Variants in NXF2 observed in about 807,000 individuals in gnomAD.
NXF2 encodes nuclear RNA export factor 2, also known as TAP-like protein 2.
chrX:102,299,056 T>C (rs1934014742), intron 2 of NXF2, among the ~76,000 whole-genome samples: 1 of 55,992 alleles, frequency 1.8e-5, no homozygotes, highest in Non-Finnish European at 3.3e-5. Flanking sequence ...CTTATCACAT[T>C]TTGTGTTAAG....
chrX:102,298,683 G>T (rs781937399), intron 2 of NXF2, among the ~76,000 whole-genome samples: 29 of 113,121 alleles, frequency 2.6e-4, no homozygotes, highest in African/African-American at 9.3e-4. Context: ...GAGGAGGAGC[G>T]TTTGGCACTC....
intron 2 of NXF2, among the ~76,000 whole-genome samples, chrX:102,288,996 C>CTTT (rs1166018041): frequency 2.6e-5 from 1 of 38,823 alleles, no homozygotes; most frequent in African/African-American, 1.3e-4. Context: ...TCTTTCTTTT[C>CTTT]TTTTTTTTTT....
At chrX:102,289,046 T>A (rs2147809219) in intron 2 of NXF2, among the ~76,000 whole-genome samples, 1 of 43,099 alleles carries the variant, frequency 2.3e-5, no homozygotes, top group African/African-American at 1.2e-4. Context: ...CTTTGCCCAC[T>A]TTTGGATGGG....
chrX:102,281,560 G>T (rs1249677530), intron 2 of NXF2, among the ~76,000 whole-genome samples: 2 of 112,041 alleles, frequency 1.8e-5, no homozygotes, highest in African/African-American at 3.2e-5. Flanking sequence ...TGGCTGGGCT[G>T]GTATCCCAGA....
intron 2 of NXF2, among the ~76,000 whole-genome samples, chrX:102,251,792 G>A (rs1212803194): frequency 3.9e-5 from 3 of 77,303 alleles, no homozygotes; most frequent in African/African-American, 1.5e-4. Context: ...TCTGCGATAT[G>A]TGCTGCAAGT....
chrX:102,281,498 C>CT, intron 2 of NXF2, among the ~76,000 whole-genome samples: 1 of 114,577 alleles, frequency 8.7e-6, no homozygotes. Flanking sequence ...CCTCTAGTAG[C>CT]TAGGTCCTGG....
intron 2 of NXF2, among the ~76,000 whole-genome samples, chrX:102,294,095 A>T (rs1273570694): frequency 3.5e-5 from 3 of 85,092 alleles, no homozygotes; most frequent in Non-Finnish European, 6.4e-5. Context: ...ATGTTAAATG[A>T]CGAGTTAATG....
intron 2 of NXF2, among the ~76,000 whole-genome samples, chrX:102,282,300 C>G (rs1361609536): frequency 3.5e-5 from 4 of 114,213 alleles, no homozygotes. Flanking sequence ...GAGTTTGGTC[C>G]GGTTTTCCTT....
chrX:102,294,304 AATT>A, intron 2 of NXF2, among the ~76,000 whole-genome samples: 1 of 98,719 alleles, frequency 1.0e-5, no homozygotes, highest in Non-Finnish European at 2.0e-5. Flanking sequence ...AGTGAAAAAC[AATT>A]ATTATGTACA....
intron 2 of NXF2, among the ~76,000 whole-genome samples, chrX:102,251,191 C>T (rs1335297066): frequency 9.3e-5 from 1 of 10,709 alleles, no homozygotes; most frequent in Non-Finnish European, 1.4e-4. Context: ...TCTGGATCTC[C>T]TGGCCTCCAG....
At chrX:102,282,537 T>G (rs1933929875) in intron 2 of NXF2, among the ~76,000 whole-genome samples, 1 of 89,498 alleles carries the variant, frequency 1.1e-5, no homozygotes, top group Non-Finnish European at 2.2e-5. Flanking sequence ...TCTTATTATT[T>G]TGAGGTATGC....
intron 2 of NXF2, among the ~76,000 whole-genome samples, chrX:102,298,787 A>G (rs1471058239): frequency 3.5e-5 from 4 of 114,669 alleles, no homozygotes; most frequent in Admixed American, 9.1e-5. Context: ...GAGGATCATG[A>G]TGGAAAATTT....
At chrX:102,298,711 T>G (rs2147811777) in intron 2 of NXF2, among the ~76,000 whole-genome samples, 1 of 114,476 alleles carries the variant, frequency 8.7e-6, no homozygotes, top group East Asian at 2.7e-4. Flanking sequence ...CCCACAGTGC[T>G]AAACCACTTA....
rs1458567064 is a variant in NXF2, at chrX:102,248,458, T to C, written c.-154T>C. The C allele has an allele frequency of 3.3e-4, 27 of 80,766 alleles. No individual in the cohort carries two copies. The highest frequency in any genetic ancestry group is 1.3e-3 in the African/African-American group (27 of 20,578). 6.7% of individuals were successfully genotyped at this position (80,766 alleles called of 1,213,427 possible). ...CTAGGATCTTATCCAGGACGCTTCATTGCATTTGGTCTTCATTTCTCCTTA... is the reference window on the plus strand; with the variant it reads ...CTAGGATCTTATCCAGGACGCTTCACTGCATTTGGTCTTCATTTCTCCTTA... On this transcript the variant is annotated 5_prime_UTR_variant, in exon 2 of 23. Transcript: ENST00000625106.
intron 2 of NXF2, among the ~76,000 whole-genome samples, chrX:102,282,407 G>A (rs1299360880): frequency 8.7e-6 from 1 of 114,659 alleles, no homozygotes; most frequent in Non-Finnish European, 1.9e-5. Flanking sequence ...ATGCTGCTGT[G>A]GCCAGGGGTG....
At chrX:102,298,855 G>GT (rs1348081039) in intron 2 of NXF2, among the ~76,000 whole-genome samples, 12 of 108,781 alleles carry the variant, frequency 1.1e-4, no homozygotes, top group East Asian at 8.9e-4. Flanking sequence ...TGAAGTAAAA[G>GT]AGAGGTTCTA....
intron 2 of NXF2, among the ~76,000 whole-genome samples, chrX:102,282,113 C>T (rs1247936330): frequency 1.5e-4 from 13 of 85,714 alleles, no homozygotes; most frequent in Middle Eastern, 5.3e-3. Flanking sequence ...CCACCACGCC[C>T]GGCCAGAGTT....
At chrX:102,247,318 A>G (rs1359531913) in intron 1 of NXF2, 80 bp downstream of exon 1, 4 of 1,918 alleles carry the variant, frequency 2.1e-3, no homozygotes, top group African/African-American at 4.1e-3. Context: ...TTTTTTTTTG[A>G]GACGGAGTTT....
At chrX:102,252,280 A>AC (rs1192206076) in intron 2 of NXF2, among the ~76,000 whole-genome samples, 1 of 50,089 alleles carries the variant, frequency 2.0e-5, no homozygotes, top group East Asian at 6.2e-4. Context: ...GGCGTGAGCC[A>AC]CCCCCCTCCC....
Sources: allele counts gnomAD v4.1 joint callset (sites outside exome capture counted in the v4.1 genomes callset), GRCh38; gene constraint gnomAD v4.1.1; transcripts MANE v1.5; gene names NCBI Gene and HGNC (gene_info 2026-07-23, HGNC 2026-07-21).